The following SLC9A8 variants were observed in gnomAD, a reference collection of about 807,000 sequenced individuals.
SLC9A8 encodes solute carrier family 9 member A8, also known as sodium/hydrogen exchanger 8.
Under a neutral mutation model 66.6 loss-of-function variants are expected in SLC9A8, and 48 were observed. That is an observed-to-expected ratio of 0.72 (90% CI 0.57 to 0.92). The LOEUF (loss-of-function observed/expected upper bound fraction) is 0.92. SLC9A8 is among the 40% of genes least tolerant of loss of function. The probability of loss-of-function intolerance (pLI) is 0.00; values close to 1 mark genes in which losing one functional copy is unlikely to be tolerated. For missense variants in SLC9A8, 599 were observed against 747.3 expected, an observed-to-expected ratio of 0.80 and a Z score of 2.31; for synonymous variants, 274 against 282.6, an observed-to-expected ratio of 0.97 and a Z score of 0.31.
intron 12 of SLC9A8, among the ~76,000 whole-genome samples, chr20:49,880,308 T>A (rs1187864323): frequency 1.3e-5 from 2 of 151,380 alleles, no homozygotes; most frequent in Non-Finnish European, 2.9e-5. Context: ...AGCTGTACTT[T>A]GCCAAGACTA....
intron 10 of SLC9A8, 72 bp downstream of exon 10, chr20:49,864,916 G>C: frequency 1.0e-6 from 1 of 985,262 alleles, no homozygotes; most frequent in Non-Finnish European, 1.6e-6. Flanking sequence ...GGCTTTGTCA[G>C]TTGGGTCACT....
At chr20:49,865,996 C>T (rs978354563) in intron 10 of SLC9A8, among the ~76,000 whole-genome samples, 2 of 152,194 alleles carry the variant, frequency 1.3e-5, no homozygotes, top group African/African-American at 2.4e-5. Flanking sequence ...TACATGGACC[C>T]GTTCTAAGTA....
At chr20:49,875,751 T>C (rs1033410246) in intron 11 of SLC9A8, among the ~76,000 whole-genome samples, 1 of 151,976 alleles carries the variant, frequency 6.6e-6, no homozygotes, top group African/African-American at 2.4e-5. Flanking sequence ...CTTTTTTTTT[T>C]TGAGATGGAG....
chr20:49,817,829 A>T (rs1409335135), intron 2 of SLC9A8, among the ~76,000 whole-genome samples: 1 of 152,194 alleles, frequency 6.6e-6, no homozygotes, highest in East Asian at 1.9e-4. Flanking sequence ...CTAGGGGATT[A>T]CTTCAACAAT....
intron 3 of SLC9A8, chr20:49,829,532 A>AT: frequency 3.5e-6 from 1 of 287,958 alleles, no homozygotes; most frequent in Non-Finnish European, 6.7e-6. Context: ...CAAAAAAAAA[A>AT]AAGAACCTCA....
At chr20:49,844,941 C>A in intron 4 of SLC9A8, 95 bp from the exon 5 acceptor site, 1 of 817,108 alleles carries the variant, frequency 1.2e-6, no homozygotes, top group Non-Finnish European at 2.1e-6. Flanking sequence ...CTAGGCCAGG[C>A]CCTGAGAGAA....
chr20:49,887,767 C>A, intron 15 of SLC9A8, 62 bp from the exon 16 acceptor site: 3 of 1,314,594 alleles, frequency 2.3e-6, no homozygotes, highest in Non-Finnish European at 3.2e-6. Context: ...CCAGTAGCAT[C>A]CCCTCCCTTC....
Position 49,890,360 on chromosome 20 carries a change from T to C in SLC9A8, c.*2424T>C, listed in dbSNP as rs969645863. 13 of 152,266 alleles carry C rather than the reference T, an allele frequency of 8.5e-5. No homozygotes were observed. The highest frequency in any genetic ancestry group is 2.7e-4 in the African/African-American group (11 of 41,480). The allele number at this position is 152,266 out of a possible 1,614,324, so 9.4% of individuals were successfully genotyped here. A position where few individuals can be genotyped will look rare whatever the true frequency, so the allele number is the denominator to read the frequency against. ...CAATAATTCTATTTGGGGCAGTGAA[T>C]GCATAGAAGATATAAAAATACGCAG... On this transcript the variant is annotated 3_prime_UTR_variant, in exon 16 of 16. Transcript: ENST00000361573.
At chr20:49,884,199 GACACAC>G (rs370760616) in intron 14 of SLC9A8, 133 bp downstream of exon 14, 6,364 of 287,234 alleles carry the variant, frequency 0.022, 130 homozygotes, top group South Asian at 0.035. Flanking sequence ...CCACACACAC[GACACAC>G]ACACACACAC....
chr20:49,872,997 C>T (rs2089274245), intron 10 of SLC9A8, among the ~76,000 whole-genome samples: 1 of 152,088 alleles, frequency 6.6e-6, no homozygotes, highest in Non-Finnish European at 1.5e-5. Context: ...GAGAAGAGAC[C>T]TGTGAGTTCC....
chr20:49,824,827 T>G (rs963837875), intron 3 of SLC9A8, among the ~76,000 whole-genome samples: 1 of 152,200 alleles, frequency 6.6e-6, no homozygotes, highest in Non-Finnish European at 1.5e-5. Flanking sequence ...TCATGTTAAT[T>G]TCACTCTTCT....
intron 7 of SLC9A8, among the ~76,000 whole-genome samples, chr20:49,853,288 T>C (rs1036578890): frequency 6.6e-6 from 1 of 151,990 alleles, no homozygotes; most frequent in African/African-American, 2.4e-5. Context: ...GGACTACAGG[T>C]ATGCGGCACC....
rs1158012001 is a variant in SLC9A8, at chr20:49,889,512, A to G, written c.*1576A>G. ...CCTTCCAGGTTCCTCTGTGCCAGGA[A>G]TGAGAGGCCAGGCCCGATCCTACCA... On this transcript the variant is annotated 3_prime_UTR_variant, in exon 16 of 16. Transcript: ENST00000361573. The G allele has an allele frequency of 6.6e-6, 1 of 152,250 alleles. No individual in the cohort carries two copies. Among genetic ancestry groups the G allele is most frequent in the Non-Finnish European group, 1.5e-5 (1 of 68,062 alleles). 9.4% of individuals were successfully genotyped at this position (152,250 alleles called of 1,614,324 possible). A position where few individuals can be genotyped will look rare whatever the true frequency, so the allele number is the denominator to read the frequency against.
rs1457336743 is a variant in SLC9A8 at position 49,889,923 on chromosome 20, A to G, written c.*1987A>G. 6.6e-6 allele frequency: 1 copy of G among 152,232 alleles called. No individual in the cohort carries two copies. Among genetic ancestry groups the G allele is most frequent in the Non-Finnish European group, 1.5e-5 (1 of 68,048 alleles). The allele number at this position is 152,232 out of a possible 1,614,324, so 9.4% of individuals were successfully genotyped here. On this transcript the variant is annotated 3_prime_UTR_variant, in exon 16 of 16. Transcript: ENST00000361573. Reference sequence around the variant, plus strand: ...TAATCTTAAATTCACAGATAAAGCAATGAAAAGAGTCAGATCCCATTTCCG... The same window carrying G: ...TAATCTTAAATTCACAGATAAAGCAGTGAAAAGAGTCAGATCCCATTTCCG...
chr20:49,857,738 A>G (rs992454411), intron 8 of SLC9A8, among the ~76,000 whole-genome samples: 1 of 152,118 alleles, frequency 6.6e-6, no homozygotes, highest in East Asian at 1.9e-4. Context: ...AACAAACAAA[A>G]GGGTACTATG....
intron 7 of SLC9A8, among the ~76,000 whole-genome samples, chr20:49,853,850 T>C (rs1262546388): frequency 6.6e-6 from 1 of 152,156 alleles, no homozygotes. Context: ...TTAATGCGCA[T>C]GAGTCACATT....
intron 10 of SLC9A8, among the ~76,000 whole-genome samples, chr20:49,870,535 G>C (rs543727303): frequency 6.6e-6 from 1 of 152,302 alleles, no homozygotes; most frequent in Admixed American, 6.5e-5. Context: ...AGGAAGACCA[G>C]TGTGGCCAGG....
chr20:49,865,913 G>C (rs1292213510), intron 10 of SLC9A8, among the ~76,000 whole-genome samples: 2 of 152,242 alleles, frequency 1.3e-5, no homozygotes, highest in Non-Finnish European at 2.9e-5. Flanking sequence ...TTGCAGGGAT[G>C]TTTTGATCTG....
intron 14 of SLC9A8, 167 bp downstream of exon 14, chr20:49,884,233 CACACACACG>C (rs1206974838): frequency 1.6e-4 from 35 of 224,848 alleles, no homozygotes; most frequent in African/African-American, 6.1e-4. Flanking sequence ...CACACACACA[CACACACACG>C]ACACACACAC....
Sources: allele counts gnomAD v4.1 joint callset (sites outside exome capture counted in the v4.1 genomes callset), GRCh38; gene constraint gnomAD v4.1.1; transcripts MANE v1.5; gene names NCBI Gene and HGNC (gene_info 2026-07-23, HGNC 2026-07-21).